DRC2: variants seen among roughly 807,000 people sequenced by gnomAD.
DRC2 encodes coiled-coil domain containing 65.
chr12:48,904,511 C>A, the DRC2 span: 2 of 1,592,254 alleles, frequency 1.3e-6, no homozygotes, highest in South Asian at 1.1e-5. Flanking sequence ...CCCATCCACC[C>A]CCTGCCCTGG....
chr12:48,913,006 A>T, the DRC2 span, among the ~76,000 whole-genome samples: 1 of 151,560 alleles, frequency 6.6e-6, no homozygotes, highest in African/African-American at 2.4e-5. Flanking sequence ...TCGTGGTGGC[A>T]TGCATCTGTA....
the DRC2 span, among the ~76,000 whole-genome samples, chr12:48,904,735 T>C: frequency 6.6e-6 from 1 of 152,226 alleles, no homozygotes; most frequent in African/African-American, 2.4e-5. Flanking sequence ...CTGTCTGGAA[T>C]GCTGATATTC....
At chr12:48,909,474 A>G in the DRC2 span, among the ~76,000 whole-genome samples, 2 of 151,260 alleles carry the variant, frequency 1.3e-5, no homozygotes, top group African/African-American at 2.4e-5. Context: ...TATTATTTTT[A>G]TTTTTATTTA....
the DRC2 span, among the ~76,000 whole-genome samples, chr12:48,906,695 A>T: frequency 4.6e-5 from 7 of 151,736 alleles, no homozygotes; most frequent in East Asian, 1.4e-3. Context: ...CCTCCTGAAT[A>T]GCTGGGATTA....
the DRC2 span, chr12:48,914,473 G>A: frequency 6.2e-7 from 1 of 1,614,220 alleles, no homozygotes; most frequent in Non-Finnish European, 8.5e-7. Flanking sequence ...CTTGCACAAT[G>A]TTGACCAGCT....
chr12:48,905,026 A>G, the DRC2 span: 1 of 1,614,076 alleles, frequency 6.2e-7, no homozygotes. Flanking sequence ...TCCTTCGGGA[A>G]GTCAAGACCA....
the DRC2 span, among the ~76,000 whole-genome samples, chr12:48,912,437 CAAAAAAAAA>C: frequency 6.6e-5 from 3 of 45,356 alleles, no homozygotes; most frequent in Non-Finnish European, 1.1e-4. Flanking sequence ...GACGCCGTCT[CAAAAAAAAA>C]AAAAAAAAAA....
chr12:48,915,114 C>CTTTTTTTTTTT, the DRC2 span, among the ~76,000 whole-genome samples: 1 of 133,926 alleles, frequency 7.5e-6, no homozygotes. Context: ...CACTTTCTTT[C>CTTTTTTTTTTT]TTTTTTTTTT....
the DRC2 span, among the ~76,000 whole-genome samples, chr12:48,911,308 C>T: frequency 6.6e-6 from 1 of 151,680 alleles, no homozygotes; most frequent in African/African-American, 2.4e-5. Flanking sequence ...GCTTGTAATC[C>T]CAACACTTTG....
chr12:48,921,301 A>C, the DRC2 span: 1 of 1,614,240 alleles, frequency 6.2e-7, no homozygotes, highest in Non-Finnish European at 8.5e-7. Context: ...ATGCTGAAGC[A>C]GTACTTGGAT....
At chr12:48,911,362 C>T in the DRC2 span, among the ~76,000 whole-genome samples, 1 of 151,938 alleles carries the variant, frequency 6.6e-6, no homozygotes, top group African/African-American at 2.4e-5. Flanking sequence ...AGTTTGAGAC[C>T]AGCCTGGGCA....
At chr12:48,919,678 C>T in the DRC2 span, among the ~76,000 whole-genome samples, 21 of 152,066 alleles carry the variant, frequency 1.4e-4, no homozygotes, top group African/African-American at 2.6e-4. Flanking sequence ...CCACCACACC[C>T]GGCTAATTTT....
chr12:48,918,345 A>G, the DRC2 span: 618 of 1,614,258 alleles, frequency 3.8e-4, 2 homozygotes, highest in Admixed American at 2.0e-3. Flanking sequence ...AGAAAGTTCC[A>G]GGATGTACTC....
chr12:48,917,209 G>A, the DRC2 span: 1 of 1,361,854 alleles, frequency 7.3e-7, no homozygotes, highest in African/African-American at 1.4e-5. Flanking sequence ...CCAGCACCTT[G>A]GTAGGCCAAG....
the DRC2 span, chr12:48,904,369 CCT>C: frequency 6.2e-7 from 1 of 1,613,978 alleles, no homozygotes; most frequent in South Asian, 1.1e-5. Context: ...CCAAGACGCC[CCT>C]GTCCGATGAG....
chr12:48,904,531 T>C, the DRC2 span: 1 of 1,550,152 alleles, frequency 6.5e-7, no homozygotes, highest in African/African-American at 1.4e-5. Context: ...GCCCTGTCAC[T>C]GAGGAAACCT....
At chr12:48,920,441 T>TTTAAAA in the DRC2 span, among the ~76,000 whole-genome samples, 181 of 67,800 alleles carry the variant, frequency 2.7e-3, 9 homozygotes, top group South Asian at 5.5e-3. Flanking sequence ...AACTCCATCT[T>TTTAAAA]AAAAAAAAAA....
chr12:48,905,241 G>A, the DRC2 span: 4 of 817,420 alleles, frequency 4.9e-6, no homozygotes, highest in Middle Eastern at 3.1e-4. Flanking sequence ...TGGTAATAAT[G>A]GTTTTCACAG....
the DRC2 span, among the ~76,000 whole-genome samples, chr12:48,911,086 AAC>A: frequency 2.0e-5 from 3 of 152,192 alleles, no homozygotes; most frequent in African/African-American, 4.8e-5. Flanking sequence ...ATTGCAGTTT[AAC>A]ACATTACTTT....
Sources: allele counts gnomAD v4.1 joint callset (sites outside exome capture counted in the v4.1 genomes callset), GRCh38; gene constraint gnomAD v4.1.1; transcripts MANE v1.5; gene names NCBI Gene and HGNC (gene_info 2026-07-23, HGNC 2026-07-21).